The following BSDC1 variants were observed in gnomAD, a reference collection of about 807,000 sequenced individuals.
BSDC1 encodes BSD domain-containing protein 1.
Under a neutral mutation model 56.0 loss-of-function variants are expected in BSDC1, and 29 were observed. The observed-to-expected ratio is 0.52, with a 90% CI of 0.39 to 0.71. BSDC1 has a LOEUF of 0.71. BSDC1 is among the 30% of genes least tolerant of loss of function. BSDC1 has a pLI of 0.00. For missense variants in BSDC1, 477 were observed against 548.5 expected (o/e 0.87, Z 1.30); for synonymous variants, 210 against 215.3 (o/e 0.98, Z 0.21).
chr1:32,391,808 C>T (rs190090329), intron 2 of BSDC1, among the ~76,000 whole-genome samples: 2 of 151,974 alleles, frequency 1.3e-5, no homozygotes, highest in Non-Finnish European at 2.9e-5. Flanking sequence ...ACCAAAAGAC[C>T]AAGAAAAAAA....
intron 3 of BSDC1, among the ~76,000 whole-genome samples, chr1:32,385,721 C>T (rs533760391): frequency 2.6e-5 from 4 of 152,102 alleles, no homozygotes; most frequent in Non-Finnish European, 4.4e-5. Context: ...AGAGAGACCC[C>T]GTCTCAAAAC....
At chr1:32,388,359 A>T (rs1311000933) in intron 2 of BSDC1, among the ~76,000 whole-genome samples, 1 of 152,050 alleles carries the variant, frequency 6.6e-6, no homozygotes, top group African/African-American at 2.4e-5. Flanking sequence ...TTACTTATTT[A>T]CTTTTATTAA....
chr1:32,391,970 CTCA>C (rs1642880559), intron 2 of BSDC1, among the ~76,000 whole-genome samples: 1 of 152,184 alleles, frequency 6.6e-6, no homozygotes. Flanking sequence ...TCACCACAAT[CTCA>C]TCAAGTAGGT....
chr1:32,368,856 C>T (rs2148108188), intron 9 of BSDC1, among the ~76,000 whole-genome samples: 1 of 152,158 alleles, frequency 6.6e-6, no homozygotes, highest in East Asian at 1.9e-4. Flanking sequence ...ACGCCCCACA[C>T]ACCTGGCTAA....
chr1:32,391,107 T>G (rs901078539), intron 2 of BSDC1, among the ~76,000 whole-genome samples: 3 of 151,858 alleles, frequency 2.0e-5, no homozygotes, highest in East Asian at 3.9e-4. Context: ...AAGCAACGTC[T>G]GGAGAAGTAT....
Position 32,365,572 on chromosome 1 carries a change from C to T in BSDC1, c.*1050G>A, listed in dbSNP as rs564700872. 1.3e-5 allele frequency: 2 copies of T among 152,778 alleles called. No individual in the cohort carries two copies. The highest frequency in any genetic ancestry group is 1.9e-4 in the East Asian group (1 of 5,180). The allele number at this position is 152,778 out of a possible 1,614,324, so 9.5% of individuals were successfully genotyped here. ...GCCCCTCATTCCCCCAGAGGTGCAGCTTTACCAGAGTGGAGGGTGAGAGCA... is the reference window on the plus strand; with the variant it reads ...GCCCCTCATTCCCCCAGAGGTGCAGTTTTACCAGAGTGGAGGGTGAGAGCA... On this transcript the variant is annotated 3_prime_UTR_variant, in exon 11 of 11. Coordinates refer to ENST00000455895, the MANE Select transcript of BSDC1 (RefSeq NM_018045.8).
intron 3 of BSDC1, among the ~76,000 whole-genome samples, chr1:32,385,833 ACT>A (rs1389494200): frequency 6.6e-6 from 1 of 152,100 alleles, no homozygotes; most frequent in African/African-American, 2.4e-5. Context: ...TAACCTAACC[ACT>A]CTGTGATACT....
intron 3 of BSDC1, among the ~76,000 whole-genome samples, chr1:32,385,038 T>A (rs1642617748): frequency 6.6e-6 from 1 of 152,158 alleles, no homozygotes; most frequent in Admixed American, 6.5e-5. Flanking sequence ...ATTCCAAAAC[T>A]CATTTTTTGT....
rs80199099 is a variant in BSDC1 at position 32,380,241 on chromosome 1, C to T, written c.412+973G>A. On this transcript the variant is annotated intron_variant, in intron 5 of 10. Transcript: ENST00000455895. Reference sequence around the variant, plus strand: ...ACTTCCTCATACGCACCCTTTAACCCGGCGTTACTAAAAGGCGGGTGCTCC... The same window carrying T: ...ACTTCCTCATACGCACCCTTTAACCTGGCGTTACTAAAAGGCGGGTGCTCC... Among the ~76,000 whole-genome samples the T allele has an allele frequency of 7.6e-3, 1,151 of 152,306 alleles. 17 individuals are homozygous for T. The highest frequency in any genetic ancestry group is 0.056 in the East Asian group (292 of 5,188).
intron 4 of BSDC1, among the ~76,000 whole-genome samples, chr1:32,381,683 G>C (rs1007661308): frequency 2.0e-5 from 3 of 152,200 alleles, no homozygotes; most frequent in Non-Finnish European, 4.4e-5. Flanking sequence ...TGTATAGCCA[G>C]TCTCTACCAA....
rs144741917 is a variant in BSDC1 at position 32,393,298 on chromosome 1, C to T, written c.72+782G>A. On this transcript the variant is annotated intron_variant, in intron 2 of 10. Coordinates refer to ENST00000455895, the MANE Select transcript of BSDC1 (RefSeq NM_018045.8). ...TATCACTCATCCCACAGAGATTGTTCAGCAAGAAGGCCTTCCACTCTCTGG... is the reference window on the plus strand; with the variant it reads ...TATCACTCATCCCACAGAGATTGTTTAGCAAGAAGGCCTTCCACTCTCTGG... 2.3e-3 allele frequency among the ~76,000 whole-genome samples: 343 copies of T among 152,336 alleles called. 2 individuals are homozygous for T. Among genetic ancestry groups the T allele is most frequent in the Middle Eastern group, 0.02 (6 of 294 alleles).
chr1:32,373,648 G>A (rs1412930557), intron 9 of BSDC1, among the ~76,000 whole-genome samples: 2 of 152,104 alleles, frequency 1.3e-5, no homozygotes, highest in Middle Eastern at 3.4e-3. Flanking sequence ...AGCCTCCCGA[G>A]TAGCTGGGAC....
intron 2 of BSDC1, chr1:32,393,820 T>C (rs971494501): frequency 4.0e-5 from 19 of 476,964 alleles, no homozygotes; most frequent in African/African-American, 9.7e-5. Context: ...CTGGAATAAA[T>C]TGCTCCTTCC....
intron 9 of BSDC1, chr1:32,369,277 A>C: frequency 1.6e-6 from 2 of 1,289,810 alleles, no homozygotes; most frequent in Non-Finnish European, 2.0e-6. Context: ...TTTGGCCCAG[A>C]GGCTCCAAGA....
intron 9 of BSDC1, among the ~76,000 whole-genome samples, chr1:32,375,804 T>C (rs1446060396): frequency 1.3e-5 from 2 of 152,176 alleles, no homozygotes; most frequent in Non-Finnish European, 2.9e-5. Flanking sequence ...CAGGGTAAGG[T>C]TAAATTGTCC....
chr1:32,389,455 C>T (rs190021297), intron 2 of BSDC1, among the ~76,000 whole-genome samples: 9 of 152,338 alleles, frequency 5.9e-5, no homozygotes, highest in Admixed American at 2.6e-4. Flanking sequence ...CAGTTGTCTT[C>T]CCGCTAGACT....
At chr1:32,367,126 G>A (rs1557632292) in intron 10 of BSDC1, 4 of 986,282 alleles carry the variant, frequency 4.1e-6, no homozygotes, top group Non-Finnish European at 3.6e-6. Flanking sequence ...TGGCACTGTG[G>A]CCAAAAGCAG....
At chr1:32,371,303 CTTTTTTTTTTTT>C (rs963070889) in intron 9 of BSDC1, among the ~76,000 whole-genome samples, 2 of 117,830 alleles carry the variant, frequency 1.7e-5, no homozygotes, top group Admixed American at 8.6e-5. Context: ...ACTTTGTAAT[CTTTTTTTTTTTT>C]TTTTTTTTTT....
chr1:32,371,751 C>G (rs1254412590), intron 9 of BSDC1, among the ~76,000 whole-genome samples: 3 of 152,112 alleles, frequency 2.0e-5, no homozygotes, highest in Non-Finnish European at 2.9e-5. Flanking sequence ...CTCAGCCCCG[C>G]TCCCACATTC....
Sources: gnomAD v4.1 joint callset for allele counts (sites outside exome capture counted in the v4.1 genomes callset) on GRCh38, gnomAD v4.1.1 for gene constraint, MANE v1.5 for transcripts, NCBI Gene and HGNC (gene_info 2026-07-23, HGNC 2026-07-21) for gene names.